CRYM: variants seen among roughly 807,000 people sequenced by gnomAD.
CRYM encodes the protein ketimine reductase mu-crystallin.
In CRYM, 18 loss-of-function variants were observed where a neutral mutation model predicts 32.9. The observed-to-expected ratio is 0.55, with a 90% confidence interval of 0.38 to 0.81. The LOEUF (loss-of-function observed/expected upper bound fraction) is 0.81. CRYM is among the 30% of genes least tolerant of loss of function. The probability of loss-of-function intolerance (pLI) is 0.00; values close to 1 mark genes in which losing one functional copy is unlikely to be tolerated. For synonymous variants in CRYM, 153 were observed against 152.4 expected (o/e 1.00, Z -0.03); for missense variants, 337 against 393.5 (o/e 0.86, Z 1.21).
intron 4 of CRYM, 88 bp from the exon 5 acceptor site, chr16:21,267,825 A>G: frequency 7.7e-7 from 1 of 1,304,706 alleles, no homozygotes. Flanking sequence ...GGAAAGTTGA[A>G]CTACTCTGGC....
chr16:21,260,087 G>T (rs1190918403), intron 7 of CRYM, among the ~76,000 whole-genome samples: 1 of 152,160 alleles, frequency 6.6e-6, no homozygotes, highest in African/African-American at 2.4e-5. Flanking sequence ...TTACCAACCT[G>T]CAAGGCATGG....
rs1210694685 is a variant in CRYM, at chr16:21,275,479, C to T, written c.387+53G>A. ...CCTTTAGTCTCTCAAGATTGAGACA[C>T]CAGACCCCACTTGACAGCTCACCTT... On this transcript the variant is annotated intron_variant, in intron 3 of 7. Transcript: ENST00000572914. The T allele has an allele frequency of 3.3e-6, 5 of 1,523,686 alleles. No homozygotes were observed. In the South Asian group the frequency reaches 4.5e-5, roughly 14 times the overall value. The allele number at this position is 1,523,686 out of a possible 1,614,324, so 94.4% of individuals were successfully genotyped here. A position where few individuals can be genotyped will look rare whatever the true frequency, so the allele number is the denominator to read the frequency against.
At chr16:21,261,898 T>C (rs1331934858) in intron 6 of CRYM, 139 bp downstream of exon 6, 1 of 990,192 alleles carries the variant, frequency 1.0e-6, no homozygotes, top group East Asian at 2.4e-5. Context: ...TGCAAAATGT[T>C]TAGGAGCTCC....
At chr16:21,301,127 C>CT (rs1352531092) in intron 1 of CRYM, 1 of 152,326 alleles carries the variant, frequency 6.6e-6, no homozygotes, top group African/African-American at 2.4e-5. Flanking sequence ...GACCCCGGGC[C>CT]TTTGGGAAGT....
intron 1 of CRYM, among the ~76,000 whole-genome samples, chr16:21,286,399 T>C (rs6497545): frequency 6.6e-6 from 1 of 150,546 alleles, no homozygotes; most frequent in African/African-American, 2.4e-5. Context: ...TTTTTTTTTT[T>C]TTTGTATTTT....
Position 21,277,338 on chromosome 16 carries a change from C to T in CRYM, c.324+93G>A. ...ACTTGCAGAGGGGCACGCGTAGTCA[C>T]AATCAAGACTCCCCCTGCTGCGGAG... On this transcript the variant is annotated intron_variant, in intron 2 of 7. Transcript: ENST00000572914. This position sits in a 1 kb window ranked among gnomAD's most constrained non-coding sequence, Gnocchi z 4.2. 1 of 1,385,402 alleles carries T rather than the reference C, an allele frequency of 7.2e-7. No individual in the cohort carries two copies. Among genetic ancestry groups the T allele is most frequent in the Non-Finnish European group, 1.0e-6 (1 of 997,580 alleles). The allele number at this position is 1,385,402 out of a possible 1,614,324, so 85.8% of individuals were successfully genotyped here.
At chr16:21,301,329 T>A (rs892891678) in intron 1 of CRYM, 3 of 151,274 alleles carry the variant, frequency 2.0e-5, no homozygotes, top group African/African-American at 7.3e-5. Flanking sequence ...CCCAAAAGGG[T>A]ACCTAGGTGG....
chr16:21,298,698 G>A (rs996368280), intron 1 of CRYM, among the ~76,000 whole-genome samples: 3 of 152,188 alleles, frequency 2.0e-5, no homozygotes, highest in South Asian at 2.1e-4. Flanking sequence ...CAGAAGCTGG[G>A]AAATAGCCCA....
intron 3 of CRYM, among the ~76,000 whole-genome samples, chr16:21,273,527 G>A (rs927759843): frequency 6.6e-6 from 1 of 152,204 alleles, no homozygotes; most frequent in Non-Finnish European, 1.5e-5. Flanking sequence ...AGACCTGGTT[G>A]ATCCTCACTC....
intron 5 of CRYM, among the ~76,000 whole-genome samples, chr16:21,262,741 G>T (rs2093356868): frequency 6.6e-6 from 1 of 152,168 alleles, no homozygotes; most frequent in Non-Finnish European, 1.5e-5. Context: ...TCTACTCTCT[G>T]TGGGATGTTT....
chr16:21,293,276 T>C (rs1044178900), intron 1 of CRYM, among the ~76,000 whole-genome samples: 1 of 151,102 alleles, frequency 6.6e-6, no homozygotes, highest in Admixed American at 6.6e-5. Flanking sequence ...TTGTGAAAAC[T>C]GTGCATTCTA....
chr16:21,292,707 TAAGTA>T (rs1960689685), intron 1 of CRYM, among the ~76,000 whole-genome samples: 1 of 151,562 alleles, frequency 6.6e-6, no homozygotes, highest in African/African-American at 2.4e-5. Context: ...GGTATTAACA[TAAGTA>T]GAGACATAGA....
intron 7 of CRYM, chr16:21,260,951 T>G (rs1347906166): frequency 2.2e-6 from 1 of 462,710 alleles, no homozygotes; most frequent in African/African-American, 2.0e-5. Context: ...TGATTCATTT[T>G]ATATGCAAAT....
At position 21,277,507 on chromosome 16, in the gene CRYM, C is replaced by T. The variant is rs374434823; in HGVS notation, c.248G>A (p.Arg83His). The T allele has an allele frequency of 6.2e-7, 1 of 1,613,818 alleles. No homozygotes were observed. Among genetic ancestry groups the T allele is most frequent in the African/African-American group, 1.3e-5 (1 of 74,894 alleles). ...GGAAGGGACGACCGAGGTGATGCCG[C>T]GGTCCTCGTAGAAGGTGACCAACTT... ...TTKLVTFYED[R>H]GITSVVPSHQ... The change falls in exon 2 of 8, where the codon CGC (arginine) becomes CAC (histidine). Residue 83 changes from arginine to histidine, a missense_variant. Physicochemically the swap from Arg to His is conservative, Grantham distance 29 (BLOSUM62 0). Transcript: ENST00000572914. This position sits in a 1 kb window ranked among gnomAD's most constrained non-coding sequence, Gnocchi z 4.2.
In CRYM at chr16:21,277,673, T is replaced by G; in HGVS notation, c.171-89A>C. ...TCCATATACTTTCCTTTTTCTTTCC[T>G]TCCTCACCACCCCACTGGCCCTCTT... is the stretch of plus-strand genomic sequence containing the variant. On this transcript the variant is annotated intron_variant, in intron 1 of 7. Coordinates refer to ENST00000572914, the MANE Select transcript of CRYM (RefSeq NM_001376256.1). This position sits in a 1 kb window ranked among gnomAD's most constrained non-coding sequence, Gnocchi z 4.2. The G allele has an allele frequency of 1.4e-6, 2 of 1,452,610 alleles. No homozygotes were observed. Among genetic ancestry groups the G allele is most frequent in the Non-Finnish European group, 1.9e-6 (2 of 1,055,340 alleles). 90.0% of individuals were successfully genotyped at this position (1,452,610 alleles called of 1,614,324 possible).
chr16:21,288,388 T>C (rs2093410861), intron 1 of CRYM, among the ~76,000 whole-genome samples: 1 of 152,230 alleles, frequency 6.6e-6, no homozygotes, highest in Admixed American at 6.5e-5. Context: ...ATTGTGTCCT[T>C]TTCATCTAGG....
chr16:21,280,096 T>G (rs1012305937), upstream of CRYM, among the ~76,000 whole-genome samples: 6 of 152,190 alleles, frequency 3.9e-5, no homozygotes, highest in Admixed American at 1.3e-4. Context: ...CACAGACATA[T>G]AGCCCTGGCA....
At chr16:21,260,027 T>C (rs939916608) in intron 7 of CRYM, among the ~76,000 whole-genome samples, 3 of 152,224 alleles carry the variant, frequency 2.0e-5, no homozygotes, top group Admixed American at 6.5e-5. Context: ...AGGCTCCAGA[T>C]AAAATTGTAT....
At position 21,261,238 on chromosome 16, in the gene CRYM, G is replaced by C; in HGVS notation, c.880+16C>G. 1 of 1,605,034 alleles carries C rather than the reference G, an allele frequency of 6.2e-7. No homozygotes were observed. The highest frequency in any genetic ancestry group is 8.5e-7 in the Non-Finnish European group (1 of 1,172,082). On this transcript the variant is annotated intron_variant, in intron 7 of 7. Transcript: ENST00000572914. Reference sequence around the variant, plus strand: ...TGCGCTAGTTGGATTTGTGCCCAGGGAGCAATGGATCTTACCCAAAGACTT... The same window carrying C: ...TGCGCTAGTTGGATTTGTGCCCAGGCAGCAATGGATCTTACCCAAAGACTT...
Sources: gnomAD v4.1 joint callset for allele counts (sites outside exome capture counted in the v4.1 genomes callset) on GRCh38, gnomAD v4.1.1 for gene constraint, Gnocchi (gnomAD v3.1) non-coding constraint, MANE v1.5 for transcripts, NCBI Gene and HGNC (gene_info 2026-07-23, HGNC 2026-07-21) for gene names.